Variants in TIAM1 observed in about 807,000 individuals in gnomAD.
The protein encoded by TIAM1 is rho guanine nucleotide exchange factor TIAM1.
Under a neutral mutation model 163.5 loss-of-function variants are expected in TIAM1, and 65 were observed. That is an observed-to-expected ratio of 0.40 (90% CI 0.33 to 0.49). The LOEUF (loss-of-function observed/expected upper bound fraction) is 0.49. Among genes scored for constraint, TIAM1 ranks in the 20% least tolerant of loss-of-function variants. TIAM1 has a pLI of 0.77. For missense variants in TIAM1, 1,789 were observed against 2,044.7 expected (o/e 0.87, Z 2.41); for synonymous variants, 833 against 810.1 (o/e 1.03, Z -0.48).
chr21:31,127,809 G>A (rs2146221286), intron 25 of TIAM1, among the ~76,000 whole-genome samples: 1 of 152,280 alleles, frequency 6.6e-6, no homozygotes, highest in East Asian at 1.9e-4. Context: ...ACTCAGTGGA[G>A]CCAAAGCCTC....
chr21:31,406,468 G>A (rs1024642892), intron 2 of TIAM1, among the ~76,000 whole-genome samples: 2 of 151,948 alleles, frequency 1.3e-5, no homozygotes, highest in Non-Finnish European at 1.5e-5. Context: ...TATAATTCTC[G>A]GGAAGATTAA....
chr21:31,291,625 T>A (rs572110421), intron 2 of TIAM1, among the ~76,000 whole-genome samples: 1 of 152,334 alleles, frequency 6.6e-6, no homozygotes, highest in East Asian at 1.9e-4. Flanking sequence ...CAGGTTCAAG[T>A]GATTCTCCTG....
chr21:31,278,123 A>G (rs1158603651), intron 2 of TIAM1, among the ~76,000 whole-genome samples: 1 of 152,254 alleles, frequency 6.6e-6, no homozygotes, highest in Non-Finnish European at 1.5e-5. Flanking sequence ...AGTTATTCTC[A>G]AAGTAGTGCT....
intron 25 of TIAM1, among the ~76,000 whole-genome samples, chr21:31,129,449 C>T (rs982616943): frequency 1.3e-5 from 2 of 152,192 alleles, no homozygotes; most frequent in Middle Eastern, 3.2e-3. Flanking sequence ...GAGGCCAAGG[C>T]GGGAGGCTTG....
Position 31,251,107 on chromosome 21 carries a change from C to T in TIAM1, c.1411+635G>A, listed in dbSNP as rs114162344. Among the ~76,000 whole-genome samples, 184 of 152,286 alleles carry T rather than the reference C, an allele frequency of 1.2e-3. 1 individual carries two copies. The highest frequency in any genetic ancestry group is 4.2e-3 in the African/African-American group (174 of 41,550). ...ATAGAATTCAAGCTAATAAATTTCC[C>T]TCCAAAATAGTCACTTTGAAAGACA... On this transcript the variant is annotated intron_variant, in intron 5 of 27. Transcript: ENST00000541036.
chr21:31,297,744 TTG>T (rs2074341275), intron 2 of TIAM1, among the ~76,000 whole-genome samples: 1 of 152,176 alleles, frequency 6.6e-6, no homozygotes, highest in Non-Finnish European at 1.5e-5. Context: ...ATGGCCAATT[TTG>T]TGTTTTACGT....
chr21:31,558,276 C>T (rs1052268915), intron 1 of TIAM1, among the ~76,000 whole-genome samples: 4 of 152,122 alleles, frequency 2.6e-5, no homozygotes, highest in Admixed American at 1.3e-4. Flanking sequence ...ACCCGACCGC[C>T]CGGATGAGGC....
At chr21:31,425,675 TTCTCTC>T (rs72091693) in intron 2 of TIAM1, among the ~76,000 whole-genome samples, 1 of 140,828 alleles carries the variant, frequency 7.1e-6, no homozygotes, top group African/African-American at 2.7e-5. Context: ...CTCTCTTTCT[TTCTCTC>T]TCTCTCTTTC....
chr21:31,207,251 A>G (rs975752183), intron 11 of TIAM1, among the ~76,000 whole-genome samples: 5 of 152,258 alleles, frequency 3.3e-5, no homozygotes, highest in Non-Finnish European at 7.3e-5. Flanking sequence ...CATGAATTGT[A>G]TATGAAATGA....
chr21:31,393,200 C>T (rs2076998090), intron 2 of TIAM1, among the ~76,000 whole-genome samples: 1 of 152,204 alleles, frequency 6.6e-6, no homozygotes. Context: ...AAGTGATCCG[C>T]CCACTTTGGC....
intron 1 of TIAM1, among the ~76,000 whole-genome samples, chr21:31,479,200 C>T (rs1203191686): frequency 1.3e-5 from 2 of 152,104 alleles, no homozygotes; most frequent in African/African-American, 2.4e-5. Flanking sequence ...CTGGAGAAAA[C>T]GGTCCTAATA....
At position 31,518,803 on chromosome 21, in the gene TIAM1, C is replaced by T. The variant is rs558920404; in HGVS notation, c.-422+40124G>A. ...ATAGCAATCTGATCTTCCCAGCATG[C>T]CTGGCCGGCTCCAGTGAATCCACAT... On this transcript the variant is annotated intron_variant, in intron 1 of 28. Coordinates refer to the TIAM1 transcript ENST00000286827. Among the ~76,000 whole-genome samples, 3 of 152,310 alleles carry T rather than the reference C, an allele frequency of 2.0e-5. No individual in the cohort carries two copies. The South Asian group carries it at 6.2e-4, about 32-fold the overall frequency.
At chr21:31,170,904 C>T (rs2084473739) in intron 15 of TIAM1, among the ~76,000 whole-genome samples, 1 of 151,750 alleles carries the variant, frequency 6.6e-6, no homozygotes, top group African/African-American at 2.4e-5. Context: ...GGCATGGTGG[C>T]ACGCACCTAT....
chr21:31,191,548 G>T (rs952747404), intron 13 of TIAM1, among the ~76,000 whole-genome samples: 1 of 152,212 alleles, frequency 6.6e-6, no homozygotes, highest in African/African-American at 2.4e-5. Context: ...TAAGCATTGA[G>T]AACCTCTTGT....
intron 2 of TIAM1, among the ~76,000 whole-genome samples, chr21:31,372,610 G>A (rs542780691): frequency 6.6e-6 from 1 of 152,208 alleles, no homozygotes; most frequent in Non-Finnish European, 1.5e-5. Flanking sequence ...GGCAGGCGAG[G>A]GTAGGGGTGG....
intron 16 of TIAM1, among the ~76,000 whole-genome samples, chr21:31,163,080 G>A (rs888935581): frequency 1.3e-5 from 2 of 152,144 alleles, no homozygotes; most frequent in Non-Finnish European, 2.9e-5. Flanking sequence ...TCCACAAGGA[G>A]ATGAGAACAC....
chr21:31,236,814 C>T (rs1459435927), intron 6 of TIAM1, among the ~76,000 whole-genome samples: 2 of 152,174 alleles, frequency 1.3e-5, no homozygotes, highest in African/African-American at 2.4e-5. Flanking sequence ...GCAGACCACA[C>T]AGAGGCTCAC....
Position 31,135,546 on chromosome 21 carries a change from T to TG in TIAM1, c.3883+386dup, listed in dbSNP as rs112019962. On this transcript the variant is annotated intron_variant, in intron 23 of 27. Transcript: ENST00000541036. The stretch of plus-strand genomic sequence containing the variant: ...AGGAAGCAAATAAAAGATCTAGGAC[T>TG]GGGGGGTCTCAGAAACAGAGGCCAT... Among the ~76,000 whole-genome samples, 50 of 152,218 alleles carry TG rather than the reference T, an allele frequency of 3.3e-4. No homozygotes were observed. In the East Asian group the frequency reaches 3.3e-3, roughly 10 times the overall value.
At chr21:31,196,808 A>G (rs1375925478) in intron 12 of TIAM1, among the ~76,000 whole-genome samples, 1 of 152,322 alleles carries the variant, frequency 6.6e-6, no homozygotes, top group Admixed American at 6.5e-5. Context: ...TCATTGCAGC[A>G]CTATTCACAA....
Sources: allele counts gnomAD v4.1 joint callset (sites outside exome capture counted in the v4.1 genomes callset), GRCh38; gene constraint gnomAD v4.1.1; transcripts MANE v1.5; gene names NCBI Gene and HGNC (gene_info 2026-07-23, HGNC 2026-07-21).